Variants in PDE3A observed in about 807,000 individuals in gnomAD.
PDE3A encodes cGMP-inhibited 3',5'-cyclic phosphodiesterase 3A.
Under a neutral mutation model 98.3 loss-of-function variants are expected in PDE3A, and 43 were observed. The observed-to-expected ratio is 0.44, with a 90% CI of 0.34 to 0.56. The LOEUF (loss-of-function observed/expected upper bound fraction) is 0.56, where lower values mean the gene tolerates loss of function less well. PDE3A is among the 20% of genes least tolerant of loss of function. The pLI is 0.01. For missense variants in PDE3A, 1,427 were observed against 1,440.7 expected, an observed-to-expected ratio of 0.99 and a Z score of 0.15; for synonymous variants, 663 against 567.9, an observed-to-expected ratio of 1.17 and a Z score of -2.38.
At chr12:20,424,093 G>T (rs1442526386) in intron 1 of PDE3A, among the ~76,000 whole-genome samples, 1 of 149,126 alleles carries the variant, frequency 6.7e-6, no homozygotes, top group East Asian at 1.9e-4. Flanking sequence ...ATGCATAACC[G>T]TAAGTGCAGT....
chr12:20,424,360 C>T (rs1944570421), intron 1 of PDE3A, among the ~76,000 whole-genome samples: 1 of 151,862 alleles, frequency 6.6e-6, no homozygotes, highest in African/African-American at 2.4e-5. Flanking sequence ...CCACTGCCCT[C>T]TTTCAATTAC....
intron 12 of PDE3A, 43 bp from the exon 13 acceptor site, chr12:20,648,645 A>T: frequency 1.6e-6 from 2 of 1,239,980 alleles, no homozygotes; most frequent in Admixed American, 1.7e-5. Flanking sequence ...TTTTGTGATT[A>T]TTTTCTTAAA....
At chr12:20,667,741 G>T (rs12580616) in intron 15 of PDE3A, among the ~76,000 whole-genome samples, 45 of 152,118 alleles carry the variant, frequency 3.0e-4, no homozygotes, top group African/African-American at 1.1e-3. Flanking sequence ...GGATTGCTTT[G>T]GCTACTCAAG....
At position 20,581,611 on chromosome 12, in the gene PDE3A, C is replaced by CTTTTT. The variant is rs903970940; in HGVS notation, c.1011+24905_1011+24906insTTTTT. ...ATGTACATGTACATAGATTTCTTTT[C>CTTTTT]TTTTCTTTTTTTTTTTTTTGAGACG... On this transcript the variant is annotated intron_variant, in intron 2 of 15. Coordinates refer to ENST00000359062, the MANE Select transcript of PDE3A (RefSeq NM_000921.5). Among the ~76,000 whole-genome samples, 6 of 76,362 alleles carry CTTTTT rather than the reference C, an allele frequency of 7.9e-5. 1 individual carries two copies. The highest frequency in any genetic ancestry group is 1.3e-4 in the Non-Finnish European group (6 of 44,512). 50.1% of individuals were successfully genotyped at this position (76,362 alleles called of 152,430 possible). A position where few individuals can be genotyped will look rare whatever the true frequency, so the allele number is the denominator to read the frequency against.
intron 1 of PDE3A, among the ~76,000 whole-genome samples, chr12:20,453,172 G>GTT (rs1565554312): frequency 6.8e-5 from 8 of 117,754 alleles, no homozygotes; most frequent in African/African-American, 2.5e-4. Context: ...ACTTGATAAT[G>GTT]CTTTTTTTTT....
intron 8 of PDE3A, among the ~76,000 whole-genome samples, chr12:20,635,505 G>A (rs1944483996): frequency 6.6e-6 from 1 of 151,796 alleles, no homozygotes; most frequent in African/African-American, 2.4e-5. Context: ...TTGAACCCAG[G>A]AGGTGGAGTT....
chr12:20,533,639 C>A (rs1941672381), intron 1 of PDE3A, among the ~76,000 whole-genome samples: 1 of 151,744 alleles, frequency 6.6e-6, no homozygotes, highest in African/African-American at 2.4e-5. Flanking sequence ...CACCACCACA[C>A]CCAGCTAATT....
intron 1 of PDE3A, among the ~76,000 whole-genome samples, chr12:20,516,538 C>T (rs187648445): frequency 6.6e-6 from 1 of 152,254 alleles, no homozygotes; most frequent in African/African-American, 2.4e-5. Flanking sequence ...AATGAAGCCT[C>T]AATGTCTTTG....
rs191036321 is a variant in PDE3A at position 20,421,342 on chromosome 12, C to G, written c.960+51098C>G. Among the ~76,000 whole-genome samples the G allele has an allele frequency of 7.6e-4, 115 of 152,224 alleles. 2 individuals are homozygous for G. Among genetic ancestry groups the G allele is most frequent in the African/African-American group, 2.7e-3 (111 of 41,528 alleles). ...CATTTTATACTAATAGGAGCTCTAA[C>G]TGTGACAATCAAATAAATTAATGTT... On this transcript the variant is annotated intron_variant, in intron 1 of 15. Coordinates refer to ENST00000359062, the MANE Select transcript of PDE3A (RefSeq NM_000921.5).
Position 20,441,763 on chromosome 12 carries a change from CTG to C in PDE3A, c.960+71521_960+71522del, listed in dbSNP as rs60503050. Among the ~76,000 whole-genome samples, 1,159 of 152,198 alleles carry C rather than the reference CTG, an allele frequency of 7.6e-3. 8 individuals are homozygous for C. The highest frequency in any genetic ancestry group is 0.027 in the African/African-American group (1,109 of 41,524). ...GAGCAATGTGTTCCTCCCAATTACTCTGTCTCATCTCACCCATCCCTCTCTTC... is the reference window on the plus strand; with the variant it reads ...GAGCAATGTGTTCCTCCCAATTACTCTCTCATCTCACCCATCCCTCTCTTC... On this transcript the variant is annotated intron_variant, in intron 1 of 15. Transcript: ENST00000359062.
intron 1 of PDE3A, among the ~76,000 whole-genome samples, chr12:20,528,355 A>G (rs1422409561): frequency 1.3e-5 from 2 of 152,208 alleles, no homozygotes; most frequent in African/African-American, 4.8e-5. Flanking sequence ...GTTGAATAAT[A>G]TATTGTGAAA....
intron 1 of PDE3A, among the ~76,000 whole-genome samples, chr12:20,446,714 G>A (rs1944961613): frequency 6.6e-6 from 1 of 152,124 alleles, no homozygotes; most frequent in South Asian, 2.1e-4. Context: ...CTAACAGCTA[G>A]TAATGTATTT....
intron 10 of PDE3A, among the ~76,000 whole-genome samples, chr12:20,640,743 G>A (rs1216087528): frequency 2.0e-5 from 3 of 152,044 alleles, no homozygotes; most frequent in East Asian, 1.9e-4. Context: ...ATAGTGCTAC[G>A]AAATATATGG....
chr12:20,505,479 C>G (rs1023517953), intron 1 of PDE3A, among the ~76,000 whole-genome samples: 1 of 152,108 alleles, frequency 6.6e-6, no homozygotes, highest in African/African-American at 2.4e-5. Flanking sequence ...TAGGTCCTCT[C>G]AAGGGGGCTC....
chr12:20,658,488 G>A (rs1317859718), intron 15 of PDE3A, among the ~76,000 whole-genome samples: 2 of 152,214 alleles, frequency 1.3e-5, no homozygotes, highest in South Asian at 2.1e-4. Flanking sequence ...AAATGGCAAC[G>A]AAGGCGTTAT....
At chr12:20,557,200 T>G (rs1942390356) in intron 2 of PDE3A, 1 of 157,998 alleles carries the variant, frequency 6.3e-6, no homozygotes, top group Non-Finnish European at 1.4e-5. Context: ...AAACAAATTC[T>G]AAGTCTTTCT....
At chr12:20,438,765 T>G (rs1284856745) in intron 1 of PDE3A, among the ~76,000 whole-genome samples, 2 of 65,558 alleles carry the variant, frequency 3.1e-5, no homozygotes, top group Non-Finnish European at 6.9e-5. Flanking sequence ...AGATGTTGTC[T>G]TTTTTTTTTT....
intron 1 of PDE3A, among the ~76,000 whole-genome samples, chr12:20,498,325 T>TC (rs1945961048): frequency 6.6e-6 from 1 of 152,014 alleles, no homozygotes; most frequent in African/African-American, 2.4e-5. Context: ...GCCTTCTGTA[T>TC]CCCTGGATTC....
chr12:20,630,396 C>G (rs1022901867), intron 6 of PDE3A, among the ~76,000 whole-genome samples: 3 of 152,070 alleles, frequency 2.0e-5, no homozygotes, highest in Non-Finnish European at 2.9e-5. Context: ...TGCCTGTTTG[C>G]TGATGGGGAA....
Sources: allele counts gnomAD v4.1 joint callset (sites outside exome capture counted in the v4.1 genomes callset), GRCh38; gene constraint gnomAD v4.1.1; transcripts MANE v1.5; gene names NCBI Gene and HGNC (gene_info 2026-07-23, HGNC 2026-07-21).